The following KAT6B variants were observed in gnomAD, a reference collection of about 807,000 sequenced individuals.
KAT6B encodes histone acetyltransferase KAT6B.
In KAT6B, 10 loss-of-function variants were observed where a neutral mutation model predicts 187.5. The observed-to-expected ratio is 0.05, with a 90% CI of 0.03 to 0.09. The LOEUF (loss-of-function observed/expected upper bound fraction) is 0.09. KAT6B is among the 10% of genes least tolerant of loss of function. The probability of loss-of-function intolerance (pLI) is 1.00; values close to 1 mark genes in which losing one functional copy is unlikely to be tolerated. For synonymous variants in KAT6B, 861 were observed against 926.8 expected, an observed-to-expected ratio of 0.93 and a Z score of 1.29; for missense variants, 1,952 against 2,558.9, an observed-to-expected ratio of 0.76 and a Z score of 5.12.
At chr10:74,903,403 G>A (rs1846536613) in intron 3 of KAT6B, among the ~76,000 whole-genome samples, 1 of 152,188 alleles carries the variant, frequency 6.6e-6, no homozygotes, top group African/African-American at 2.4e-5. Context: ...CAGCAGGTGG[G>A]AAGAAAGAGT....
intron 11 of KAT6B, chr10:74,984,677 CAT>C (rs1185111308): frequency 5.2e-6 from 1 of 193,692 alleles, no homozygotes; most frequent in Non-Finnish European, 1.1e-5. Flanking sequence ...TTTGAAACAA[CAT>C]AAAGTTTAAC....
At position 74,843,468 on chromosome 10, in the gene KAT6B, A is replaced by G; in HGVS notation, c.611A>G (p.Glu204Gly). The change falls in exon 3 of 18, where the codon GAG becomes GGG. Residue 204 changes from glutamate to glycine, a missense_variant. Coordinates refer to ENST00000287239, the MANE Select transcript of KAT6B (RefSeq NM_012330.4). Reference sequence around the variant, plus strand: ...CCACCTGTCAGCCTTCTACCCCATGAGAAAGACCAGGTAAGCGAAGGAGTA... The same window carrying G: ...CCACCTGTCAGCCTTCTACCCCATGGGAAAGACCAGGTAAGCGAAGGAGTA... ...SLPPVSLLPH[E>G]KDQPRADPIP... is the part of the protein sequence containing the mutation. The G allele has an allele frequency of 6.2e-7, 1 of 1,613,604 alleles. No individual in the cohort carries two copies. The highest frequency in any genetic ancestry group is 8.5e-7 in the Non-Finnish European group (1 of 1,180,016).
intron 13 of KAT6B, among the ~76,000 whole-genome samples, chr10:74,989,725 A>G (rs1843010909): frequency 6.6e-6 from 1 of 152,190 alleles, no homozygotes; most frequent in Non-Finnish European, 1.5e-5. Flanking sequence ...GGCATAATAT[A>G]TAAAAGTATG....
chr10:74,923,705 G>A (rs1476451081), intron 3 of KAT6B, among the ~76,000 whole-genome samples: 1 of 152,200 alleles, frequency 6.6e-6, no homozygotes, highest in East Asian at 1.9e-4. Context: ...AGAGAGAGGG[G>A]AGAGTCGTCA....
chr10:74,895,604 A>G (rs1430812033), intron 3 of KAT6B, among the ~76,000 whole-genome samples: 1 of 152,030 alleles, frequency 6.6e-6, no homozygotes, highest in Non-Finnish European at 1.5e-5. Context: ...CAGTGGTGCA[A>G]TCTCAGCTCA....
At chr10:75,006,295 C>T (rs1200360995) in intron 13 of KAT6B, among the ~76,000 whole-genome samples, 1 of 152,036 alleles carries the variant, frequency 6.6e-6, no homozygotes. Context: ...CATAATGATA[C>T]TAAAAAACAA....
chr10:74,904,368 C>T (rs1176066550), intron 3 of KAT6B, among the ~76,000 whole-genome samples: 1 of 152,168 alleles, frequency 6.6e-6, no homozygotes, highest in Non-Finnish European at 1.5e-5. Context: ...AATTCAGTGC[C>T]TTATGGTTGT....
At chr10:74,976,720 A>G in intron 8 of KAT6B, 2 of 316,790 alleles carry the variant, frequency 6.3e-6, no homozygotes, top group South Asian at 2.9e-5. Flanking sequence ...AGTGCTTCCA[A>G]CAGGGGGTGT....
At chr10:75,007,259 C>T (rs1844276178) in intron 13 of KAT6B, among the ~76,000 whole-genome samples, 1 of 152,022 alleles carries the variant, frequency 6.6e-6, no homozygotes, top group Non-Finnish European at 1.5e-5. Context: ...CAAGTCTAAT[C>T]AATCAAGCAC....
At chr10:74,868,480 G>C (rs1029358293) in intron 3 of KAT6B, among the ~76,000 whole-genome samples, 5 of 152,102 alleles carry the variant, frequency 3.3e-5, no homozygotes, top group African/African-American at 1.2e-4. Flanking sequence ...TCTTCTCAGA[G>C]ATTTTTATCT....
chr10:74,961,843 CTT>C (rs774211831), intron 4 of KAT6B, among the ~76,000 whole-genome samples: 14 of 152,196 alleles, frequency 9.2e-5, no homozygotes, highest in Admixed American at 3.9e-4. Context: ...AAAATATCCT[CTT>C]GTTTTCTCTT....
In KAT6B at chr10:74,975,975, G is replaced by T; in HGVS notation, c.1638G>T (p.Gly546=). ...TNSQLKALFD[G]LSHIYTTQGQ... ...GCCAGCTGAAGGCACTCTTTGATGG[G>T]CTTTCTCATATCTATACCACTCAGG... Residue 546 remains glycine (G), a synonymous_variant, in exon 8 of 18, where the codon GGG becomes GGT. Transcript: ENST00000287239. 1.2e-6 allele frequency: 2 copies of T among 1,614,082 alleles called. No homozygotes were observed. The highest frequency in any genetic ancestry group is 1.1e-5 in the South Asian group (1 of 91,076).
intron 3 of KAT6B, among the ~76,000 whole-genome samples, chr10:74,944,447 A>G (rs1697269959): frequency 6.6e-6 from 1 of 152,222 alleles, no homozygotes; most frequent in East Asian, 1.9e-4. Context: ...AAAGATTCTA[A>G]CAGAAACTGT....
Position 74,936,402 on chromosome 10 carries a change from C to CA in KAT6B, c.622-23553dup, listed in dbSNP as rs1163193286. ...TGGCAGACAGAGTAAGACTCCATCT[C>CA]AAAAAAAAAAAAAAAGAAATTTTGT... On this transcript the variant is annotated intron_variant, in intron 3 of 17. Transcript: ENST00000287239. Among the ~76,000 whole-genome samples, 893 of 102,822 alleles carry CA rather than the reference C, an allele frequency of 8.7e-3. 4 individuals carry two copies. The highest frequency in any genetic ancestry group is 0.018 in the African/African-American group (482 of 27,436). The allele number at this position is 102,822 out of a possible 152,430, so 67.5% of individuals were successfully genotyped here.
intron 3 of KAT6B, among the ~76,000 whole-genome samples, chr10:74,949,561 A>G (rs1176197375): frequency 1.5e-4 from 23 of 152,242 alleles, no homozygotes; most frequent in Admixed American, 1.4e-3. Context: ...TATAAATGGC[A>G]CACCTGCCTG....
chr10:75,021,094 A>G, intron 14 of KAT6B, 32 bp from the exon 15 acceptor site: 1 of 1,607,832 alleles, frequency 6.2e-7, no homozygotes, highest in Non-Finnish European at 8.5e-7. Context: ...TCAGCTTGTG[A>G]TTACATCTTG....
chr10:74,996,645 T>C (rs1003436898), intron 13 of KAT6B, among the ~76,000 whole-genome samples: 8 of 152,002 alleles, frequency 5.3e-5, no homozygotes, highest in Non-Finnish European at 8.8e-5. Flanking sequence ...GGCACACACC[T>C]GTAGTCCCAG....
Position 75,029,730 on chromosome 10 carries a change from A to G in KAT6B, c.4906A>G (p.Ile1636Val). 1.2e-6 allele frequency: 2 copies of G among 1,614,198 alleles called. No individual in the cohort carries two copies. Among genetic ancestry groups the G allele is most frequent in the Non-Finnish European group, 1.7e-6 (2 of 1,180,036 alleles). Residue 1636 changes from isoleucine (I) to valine (V), a missense_variant, in exon 18 of 18, where the codon ATC becomes GTC. By Grantham distance (29) the Ile-to-Val change is conservative. This residue lies in a region of KAT6B where 87 missense variants were observed against 167.5 expected (regional missense o/e 0.52). Transcript: ENST00000287239. The surrounding 1 kb of genome is among the most constrained non-coding windows in gnomAD (Gnocchi z 6.2). ...CCAAATCAGCCCAGATCAAAGTGCCATCTCAGTGCCATCTCTGCAGAACAT... is the reference window on the plus strand; with the variant it reads ...CCAAATCAGCCCAGATCAAAGTGCCGTCTCAGTGCCATCTCTGCAGAACAT... ...YAQISPDQSA[I>V]SVPSLQNMET... is the part of the protein sequence containing the mutation.
chr10:74,843,170 G>A lies in KAT6B; in HGVS notation c.313G>A (p.Val105Met), dbSNP rs1841862021. Residue 105 changes from valine (V) to methionine (M), a missense_variant, in exon 3 of 18, where the codon GTG (valine) becomes ATG (methionine). Coordinates refer to ENST00000287239, the MANE Select transcript of KAT6B (RefSeq NM_012330.4). ...AGGATCATGTAATGATCTCCGCAAT[G>A]TGGATTGGAATAAACTTTTAAGGAG... ...SRGSCNDLRNVDWNKLLRRAI... is the reference protein window; with the variant it reads ...SRGSCNDLRNMDWNKLLRRAI... The A allele has an allele frequency of 6.2e-7, 1 of 1,614,088 alleles. No homozygotes were observed. The highest frequency in any genetic ancestry group is 1.3e-5 in the African/African-American group (1 of 74,940).
Sources: gnomAD v4.1 joint callset for allele counts (sites outside exome capture counted in the v4.1 genomes callset) on GRCh38, gnomAD v4.1.1 for gene constraint, gnomAD v4.1.1 regional missense constraint, Gnocchi (gnomAD v3.1) non-coding constraint, MANE v1.5 for transcripts, NCBI Gene and HGNC (gene_info 2026-07-23, HGNC 2026-07-21) for gene names.